Variants in ETFRF1 observed in about 807,000 individuals in gnomAD.
ETFRF1 encodes the protein electron transfer flavoprotein regulatory factor 1, also known as LYR motif containing 5.
Under a neutral mutation model 9.0 loss-of-function variants are expected in ETFRF1, and 12 were observed. That is an observed-to-expected ratio of 1.34 (90% confidence interval 0.86 to 2.16). The LOEUF is 2.16. Ranked by LOEUF, ETFRF1 falls within the 30% of genes most tolerant of loss-of-function variation. The pLI is 0.00. For synonymous variants in ETFRF1, 34 were observed against 33.2 expected (o/e 1.02, Z -0.08); for missense variants, 98 against 101.8 (o/e 0.96, Z 0.16).
intron 1 of ETFRF1, among the ~76,000 whole-genome samples, chr12:25,202,793 G>A (rs759912379): frequency 6.6e-6 from 1 of 152,182 alleles, no homozygotes; most frequent in Non-Finnish European, 1.5e-5. Flanking sequence ...TTAAACCCAT[G>A]TAAAGAGGGG....
rs999269447 is a variant in ETFRF1 at position 25,204,353 on chromosome 12, T to C, written c.*41T>C. ...TTTAGCTATCAGTGCCAGCTGTTTA[T>C]GTATACCAGATGTTGTAAAATAATT... On this transcript the variant is annotated 3_prime_UTR_variant, in exon 3 of 3. Transcript: ENST00000381356. The C allele has an allele frequency of 1.5e-5, 22 of 1,427,616 alleles. No homozygotes were observed. The African/African-American group carries it at 3.2e-4, about 21-fold the overall frequency. The allele number at this position is 1,427,616 out of a possible 1,614,324, so 88.4% of individuals were successfully genotyped here. A position where few individuals can be genotyped will look rare whatever the true frequency, so the allele number is the denominator to read the frequency against.
intron 1 of ETFRF1, among the ~76,000 whole-genome samples, chr12:25,197,232 A>C (rs1951038302): frequency 6.6e-6 from 1 of 152,146 alleles, no homozygotes; most frequent in Non-Finnish European, 1.5e-5. Context: ...TAGCCACACT[A>C]GTTACATTTT....
At chr12:25,196,664 T>C (rs80068654) in intron 1 of ETFRF1, among the ~76,000 whole-genome samples, 12,663 of 152,212 alleles carry the variant, frequency 0.083, 1,564 homozygotes, top group African/African-American at 0.28. Context: ...TTCAGAATAA[T>C]AGGGGGCTTC....
chr12:25,203,487 T>G (rs1316584033), intron 1 of ETFRF1, among the ~76,000 whole-genome samples: 3 of 152,258 alleles, frequency 2.0e-5, no homozygotes, highest in Admixed American at 6.5e-5. Flanking sequence ...TTCAAGTGGC[T>G]CTGGCCTTGC....
At chr12:25,203,068 A>G (rs1430165320) in intron 1 of ETFRF1, among the ~76,000 whole-genome samples, 4 of 152,230 alleles carry the variant, frequency 2.6e-5, no homozygotes, top group Non-Finnish European at 4.4e-5. Flanking sequence ...CCTTGGAGAA[A>G]TAATTTTACA....
At chr12:25,199,864 T>C (rs189792027) in intron 1 of ETFRF1, among the ~76,000 whole-genome samples, 7 of 152,092 alleles carry the variant, frequency 4.6e-5, no homozygotes, top group Admixed American at 3.3e-4. Flanking sequence ...AGAGCAGAAA[T>C]GAACAACTCA....
intron 1 of ETFRF1, among the ~76,000 whole-genome samples, chr12:25,197,955 C>T (rs1244168380): frequency 1.3e-5 from 2 of 152,034 alleles, no homozygotes; most frequent in African/African-American, 4.8e-5. Context: ...AAAATGGGGA[C>T]AGGAGGTAAC....
In ETFRF1 at chr12:25,204,418, T is replaced by C; in HGVS notation, c.*106T>C. On this transcript the variant is annotated 3_prime_UTR_variant, in exon 3 of 3. Coordinates refer to ENST00000381356, the MANE Select transcript of ETFRF1 (RefSeq NM_001001660.3). The stretch of plus-strand genomic sequence containing the variant: ...GAAGATATACATGTTGTGTAAAAAA[T>C]CCCTGAGCTGCCCTACTGAACTAAA... 2 of 915,428 alleles carry C rather than the reference T, an allele frequency of 2.2e-6. No homozygotes were observed. The highest frequency in any genetic ancestry group is 3.1e-6 in the Non-Finnish European group (2 of 654,082). 56.7% of individuals were successfully genotyped at this position (915,428 alleles called of 1,614,324 possible). A position where few individuals can be genotyped will look rare whatever the true frequency, so the allele number is the denominator to read the frequency against.
intron 1 of ETFRF1, among the ~76,000 whole-genome samples, chr12:25,197,353 T>C (rs73071296): frequency 0.013 from 1,926 of 152,344 alleles, 38 homozygotes; most frequent in South Asian, 0.081. Context: ...GTGAATTAAA[T>C]GAAGCTGTGC....
chr12:25,205,036 A>C lies in ETFRF1; in HGVS notation c.*724A>C, dbSNP rs924836472. On this transcript the variant is annotated 3_prime_UTR_variant, in exon 3 of 3. Transcript: ENST00000381356. ...TCCTATTTTTTTGTCATAAAGGCAG[A>C]TTTGTTTTGCATCTACTTCTAAATA... The C allele has an allele frequency of 4.7e-6, 1 of 211,660 alleles. No individual in the cohort carries two copies. Among genetic ancestry groups the C allele is most frequent in the Admixed American group, 5.9e-5 (1 of 17,022 alleles). The allele number at this position is 211,660 out of a possible 1,614,324, so 13.1% of individuals were successfully genotyped here.
chr12:25,199,066 A>G (rs991283045), intron 1 of ETFRF1, among the ~76,000 whole-genome samples: 2 of 151,978 alleles, frequency 1.3e-5, no homozygotes, highest in Non-Finnish European at 2.9e-5. Flanking sequence ...TTATTTTTTT[A>G]AGTTTTGCTG....
intron 1 of ETFRF1, 105 bp from the exon 2 acceptor site, chr12:25,203,815 T>G: frequency 1.6e-6 from 1 of 619,370 alleles, no homozygotes; most frequent in South Asian, 3.8e-5. Flanking sequence ...CAAGAAATAT[T>G]TATTGAATGT....
chr12:25,200,618 T>C (rs1951067021), intron 1 of ETFRF1, among the ~76,000 whole-genome samples: 2 of 152,172 alleles, frequency 1.3e-5, no homozygotes, highest in Admixed American at 6.5e-5. Flanking sequence ...AGAAAATTAT[T>C]TCCAGCTTTC....
At chr12:25,202,305 A>AAGGC (rs1425097981) in intron 1 of ETFRF1, among the ~76,000 whole-genome samples, 9 of 151,954 alleles carry the variant, frequency 5.9e-5, no homozygotes, top group Non-Finnish European at 1.3e-4. Context: ...GGGGCTGAGC[A>AAGGC]AGGCAGGCAT....
chr12:25,198,410 C>T (rs1477336291), intron 1 of ETFRF1, among the ~76,000 whole-genome samples: 1 of 152,074 alleles, frequency 6.6e-6, no homozygotes, highest in African/African-American at 2.4e-5. Context: ...AAGTGAAGCC[C>T]AGAGTCTATA....
chr12:25,200,390 T>C (rs554582223), intron 1 of ETFRF1, among the ~76,000 whole-genome samples: 2 of 152,252 alleles, frequency 1.3e-5, no homozygotes, highest in South Asian at 2.1e-4. Context: ...AGTGTCCAGA[T>C]TGCAAGGGCC....
Position 25,195,302 on chromosome 12 carries a change from G to A in ETFRF1, c.-73G>A, listed in dbSNP as rs1382386898. 6 of 610,782 alleles carry A rather than the reference G, an allele frequency of 9.8e-6. No individual in the cohort carries two copies. The highest frequency in any genetic ancestry group is 3.7e-5 in the African/African-American group (2 of 54,176). The allele number at this position is 610,782 out of a possible 1,614,324, so 37.8% of individuals were successfully genotyped here. ...GCAGTAGACGGACAGAGGAGTCGTA[G>A]CGGTCGAGGCTTTTGCGGCTCCGGC... On this transcript the variant is annotated 5_prime_UTR_variant, in exon 1 of 3. Coordinates refer to ENST00000381356, the MANE Select transcript of ETFRF1 (RefSeq NM_001001660.3).
At chr12:25,202,765 C>G (rs1439855063) in intron 1 of ETFRF1, among the ~76,000 whole-genome samples, 1 of 152,062 alleles carries the variant, frequency 6.6e-6, no homozygotes, top group Non-Finnish European at 1.5e-5. Flanking sequence ...CCAGACTTCT[C>G]ACTGTTCAGC....
At chr12:25,196,393 A>G (rs1421844379) in intron 1 of ETFRF1, among the ~76,000 whole-genome samples, 1 of 152,222 alleles carries the variant, frequency 6.6e-6, no homozygotes, top group African/African-American at 2.4e-5. Flanking sequence ...CGGGGTAAGG[A>G]GATAGTTCAG....
Sources: allele counts gnomAD v4.1 joint callset (sites outside exome capture counted in the v4.1 genomes callset), GRCh38; gene constraint gnomAD v4.1.1; transcripts MANE v1.5; gene names NCBI Gene and HGNC (gene_info 2026-07-23, HGNC 2026-07-21).